Variants in KCNQ5 observed in about 807,000 individuals in gnomAD.
KCNQ5 encodes potassium voltage-gated channel subfamily Q member 5.
A neutral mutation model predicts 98.2 loss-of-function variants in KCNQ5; 30 were observed. The observed-to-expected ratio is 0.31, with a 90% CI of 0.23 to 0.41. The LOEUF (loss-of-function observed/expected upper bound fraction) is 0.41, where lower values mean the gene tolerates loss of function less well. KCNQ5 is among the 10% of genes least tolerant of loss of function. KCNQ5 has a pLI of 1.00. For synonymous variants in KCNQ5, 458 were observed against 449.4 expected (o/e 1.02, Z -0.24); for missense variants, 835 against 1,182.5 (o/e 0.71, Z 4.31).
chr6:72,994,505 G>T (rs1056588081), intron 1 of KCNQ5, among the ~76,000 whole-genome samples: 1 of 138,462 alleles, frequency 7.2e-6, no homozygotes, highest in Non-Finnish European at 1.6e-5. Flanking sequence ...GCAATGCCTC[G>T]CCCTGCTTTG....
chr6:72,741,985 T>C (rs1305311078), intron 1 of KCNQ5, among the ~76,000 whole-genome samples: 3 of 152,230 alleles, frequency 2.0e-5, no homozygotes, highest in Non-Finnish European at 4.4e-5. Context: ...AACTTGGTCA[T>C]GCTACTACCA....
intron 1 of KCNQ5, among the ~76,000 whole-genome samples, chr6:72,983,254 C>T (rs1768563538): frequency 6.6e-6 from 1 of 152,140 alleles, no homozygotes; most frequent in Non-Finnish European, 1.5e-5. Context: ...TGGATAATAT[C>T]CTGAAGAGTG....
At chr6:72,968,162 T>C (rs1767709197) in intron 1 of KCNQ5, among the ~76,000 whole-genome samples, 1 of 152,118 alleles carries the variant, frequency 6.6e-6, no homozygotes, top group Non-Finnish European at 1.5e-5. Flanking sequence ...TCACAGTGTC[T>C]CAGAAGTTCT....
intron 1 of KCNQ5, among the ~76,000 whole-genome samples, chr6:72,884,594 CAT>C (rs1778780140): frequency 6.6e-6 from 1 of 150,468 alleles, no homozygotes; most frequent in African/African-American, 2.5e-5. Context: ...CAATAGAAAT[CAT>C]TATAAAAATT....
chr6:72,903,064 G>T lies in KCNQ5; in HGVS notation c.399-100844G>T, dbSNP rs2150196496. 2.0e-5 allele frequency among the ~76,000 whole-genome samples: 3 copies of T among 152,196 alleles called. 1 individual carries two copies. The highest frequency in any genetic ancestry group is 4.4e-5 in the Non-Finnish European group (3 of 67,980). ...ATTCTTCCTGCTTTAAGCTAGGAGG[G>T]TTGTATCTTTGCAGGAATGTATCCA... On this transcript the variant is annotated intron_variant, in intron 1 of 13. Transcript: ENST00000370398.
At position 72,730,310 on chromosome 6, in the gene KCNQ5, AT is replaced by A. The variant is rs199928476; in HGVS notation, c.398+107732del. Among the ~76,000 whole-genome samples, 1,088 of 151,632 alleles carry A rather than the reference AT, an allele frequency of 7.2e-3. 14 individuals carry two copies. The highest frequency in any genetic ancestry group is 0.025 in the African/African-American group (1,021 of 41,372). ...ACTTATATTTTAAACAACTATTTAGATTTTTTTTTGTTTTCTTTAATATGGA... is the reference window on the plus strand; with the variant it reads ...ACTTATATTTTAAACAACTATTTAGATTTTTTTTGTTTTCTTTAATATGGA... On this transcript the variant is annotated intron_variant, in intron 1 of 13. Coordinates refer to ENST00000370398, the MANE Select transcript of KCNQ5 (RefSeq NM_019842.4).
At chr6:72,671,848 G>A (rs1052143089) in intron 1 of KCNQ5, among the ~76,000 whole-genome samples, 8 of 151,172 alleles carry the variant, frequency 5.3e-5, no homozygotes, top group South Asian at 2.1e-4. Flanking sequence ...ATGGAGTCTC[G>A]CTCTGTCACC....
At chr6:72,687,403 A>G (rs1166146920) in intron 1 of KCNQ5, among the ~76,000 whole-genome samples, 1 of 152,218 alleles carries the variant, frequency 6.6e-6, no homozygotes, top group African/African-American at 2.4e-5. Flanking sequence ...AGTGTCTACC[A>G]TGCTCCAAAC....
chr6:72,992,651 C>CCT (rs1489804323), intron 1 of KCNQ5, among the ~76,000 whole-genome samples: 8 of 15,118 alleles, frequency 5.3e-4, no homozygotes, highest in Admixed American at 1.1e-3. Context: ...AGAATTTAGT[C>CCT]CATTTATATT....
chr6:73,168,601 G>T (rs1777891019), intron 10 of KCNQ5, among the ~76,000 whole-genome samples: 3 of 152,032 alleles, frequency 2.0e-5, no homozygotes, highest in African/African-American at 4.8e-5. Flanking sequence ...TACTTGCGGG[G>T]CTGAGGCATG....
intron 1 of KCNQ5, among the ~76,000 whole-genome samples, chr6:72,782,405 G>C (rs1187123241): frequency 6.6e-6 from 1 of 152,198 alleles, no homozygotes; most frequent in Non-Finnish European, 1.5e-5. Flanking sequence ...CCATGAATGA[G>C]AGTATTGTAA....
intron 10 of KCNQ5, among the ~76,000 whole-genome samples, chr6:73,168,962 T>C (rs978456708): frequency 9.8e-5 from 15 of 152,336 alleles, no homozygotes; most frequent in African/African-American, 3.6e-4. Context: ...TTCCATTATA[T>C]AAACCTACCA....
chr6:72,820,854 A>G (rs959020536), intron 1 of KCNQ5, among the ~76,000 whole-genome samples: 1 of 152,200 alleles, frequency 6.6e-6, no homozygotes, highest in Non-Finnish European at 1.5e-5. Context: ...GAAGTATTAT[A>G]AGAGTTGTCA....
At chr6:72,966,351 G>A (rs1166827865) in intron 1 of KCNQ5, among the ~76,000 whole-genome samples, 2 of 151,678 alleles carry the variant, frequency 1.3e-5, no homozygotes, top group Non-Finnish European at 2.9e-5. Context: ...CTGAAGTTAG[G>A]AGTTCGAAAC....
intron 1 of KCNQ5, among the ~76,000 whole-genome samples, chr6:72,847,274 C>T (rs1777060395): frequency 6.6e-6 from 1 of 152,164 alleles, no homozygotes. Context: ...AAGCAATTCT[C>T]CTGCCTCAGC....
At chr6:72,623,064 A>G (rs989998350) in intron 1 of KCNQ5, among the ~76,000 whole-genome samples, 17 of 151,966 alleles carry the variant, frequency 1.1e-4, no homozygotes, top group African/African-American at 4.8e-5. Flanking sequence ...CCTCAGTCCT[A>G]GGGGCGGAGT....
chr6:72,945,707 G>A (rs919419145), intron 1 of KCNQ5, among the ~76,000 whole-genome samples: 15 of 151,740 alleles, frequency 9.9e-5, no homozygotes, highest in African/African-American at 3.6e-4. Context: ...TGCCTGCCTC[G>A]GCCTCCCAAA....
chr6:72,967,234 C>T lies in KCNQ5; in HGVS notation c.399-36674C>T, dbSNP rs538125491. On this transcript the variant is annotated intron_variant, in intron 1 of 13. Coordinates refer to ENST00000370398, the MANE Select transcript of KCNQ5 (RefSeq NM_019842.4). ...CTTTAGGATAGAAACACATTTCTTG[C>T]ACTATAAAAATTTTAGTCAGCAAAT... is the stretch of plus-strand genomic sequence containing the variant. 1.2e-4 allele frequency among the ~76,000 whole-genome samples: 18 copies of T among 152,238 alleles called. No individual in the cohort carries two copies. In the South Asian group the frequency reaches 3.7e-3, roughly 32 times the overall value.
At chr6:73,021,688 A>G (rs1770613161) in intron 2 of KCNQ5, among the ~76,000 whole-genome samples, 1 of 152,210 alleles carries the variant, frequency 6.6e-6, no homozygotes, top group Non-Finnish European at 1.5e-5. Flanking sequence ...ACTAATAGCA[A>G]GCTTTTTAAT....
Sources: allele counts gnomAD v4.1 joint callset (sites outside exome capture counted in the v4.1 genomes callset), GRCh38; gene constraint gnomAD v4.1.1; transcripts MANE v1.5; gene names NCBI Gene and HGNC (gene_info 2026-07-23, HGNC 2026-07-21).